Variants in CNTN5 observed in about 807,000 individuals in gnomAD.
The protein encoded by CNTN5 is contactin 5.
Under a neutral mutation model 129.1 loss-of-function variants are expected in CNTN5, and 77 were observed. That is an observed-to-expected ratio of 0.60 (90% CI 0.50 to 0.72). The LOEUF (loss-of-function observed/expected upper bound fraction) is 0.72, where lower values mean the gene tolerates loss of function less well. Among genes scored for constraint, CNTN5 ranks in the 30% least tolerant of loss-of-function variants. The pLI is 0.00. For missense variants in CNTN5, 1,478 were observed against 1,328.8 expected (o/e 1.11, Z -1.75); for synonymous variants, 509 against 465.6 (o/e 1.09, Z -1.20).
chr11:99,858,848 A>T (rs1029795941), intron 6 of CNTN5, among the ~76,000 whole-genome samples: 1 of 152,030 alleles, frequency 6.6e-6, no homozygotes, highest in Non-Finnish European at 1.5e-5. Flanking sequence ...ATTAATGACA[A>T]TGCTAATAAT....
At chr11:99,937,932 A>C (rs988504174) in intron 7 of CNTN5, among the ~76,000 whole-genome samples, 14 of 152,202 alleles carry the variant, frequency 9.2e-5, no homozygotes, top group African/African-American at 3.4e-4. Context: ...TTTGCATTTT[A>C]TACCTTTTAC....
intron 2 of CNTN5, among the ~76,000 whole-genome samples, chr11:99,462,990 C>T (rs917599541): frequency 1.3e-5 from 2 of 151,982 alleles, no homozygotes; most frequent in East Asian, 3.9e-4. Flanking sequence ...TGCCTGTAGT[C>T]CCAGCTACTT....
At chr11:99,904,609 C>T (rs1373536698) in intron 6 of CNTN5, among the ~76,000 whole-genome samples, 1 of 152,130 alleles carries the variant, frequency 6.6e-6, no homozygotes, top group Non-Finnish European at 1.5e-5. Context: ...CATACATGTA[C>T]ATGTGTCTTT....
intron 3 of CNTN5, among the ~76,000 whole-genome samples, chr11:99,609,824 TG>T (rs1950542344): frequency 1.3e-5 from 2 of 152,146 alleles, no homozygotes; most frequent in Admixed American, 6.6e-5. Flanking sequence ...AACTGTTTAC[TG>T]GGTGTAGTTC....
At chr11:99,552,207 G>GTTTTTT (rs758718492) in intron 2 of CNTN5, among the ~76,000 whole-genome samples, 5 of 146,744 alleles carry the variant, frequency 3.4e-5, no homozygotes, top group South Asian at 2.2e-4. Context: ...CACCTGGTCA[G>GTTTTTT]TTTTTGTGTT....
At chr11:99,879,125 A>T (rs549044999) in intron 6 of CNTN5, among the ~76,000 whole-genome samples, 4 of 151,956 alleles carry the variant, frequency 2.6e-5, no homozygotes, top group African/African-American at 9.6e-5. Context: ...TCTAGTAGAG[A>T]TGGGGTTTCA....
chr11:99,857,028 C>A (rs552882590), intron 6 of CNTN5, among the ~76,000 whole-genome samples: 4 of 151,092 alleles, frequency 2.6e-5, no homozygotes, highest in African/African-American at 9.7e-5. Context: ...CTATCTATCT[C>A]TATCTCCCTC....
At chr11:99,683,641 A>G (rs1326420580) in intron 3 of CNTN5, among the ~76,000 whole-genome samples, 2 of 151,822 alleles carry the variant, frequency 1.3e-5, no homozygotes, top group African/African-American at 4.8e-5. Context: ...AAAAATTGTA[A>G]AAGTTTGCCA....
chr11:99,080,484 TG>T (rs564540810), intron 1 of CNTN5, among the ~76,000 whole-genome samples: 36 of 152,302 alleles, frequency 2.4e-4, no homozygotes, highest in African/African-American at 8.4e-4. Flanking sequence ...CAAGATTTTT[TG>T]CCACAGTCCA....
At position 99,914,957 on chromosome 11, in the gene CNTN5, T is replaced by C. The variant is rs560139615; in HGVS notation, c.578-1097T>C. ...TATTTTCTTGAGTGTTCAGTTTATT[T>C]GTCAAATTAATATTAAATTTGAAGC... On this transcript the variant is annotated intron_variant, in intron 6 of 24. Transcript: ENST00000524871. 2.0e-5 allele frequency among the ~76,000 whole-genome samples: 3 copies of C among 152,218 alleles called. No individual in the cohort carries two copies. The South Asian group carries it at 6.2e-4, about 32-fold the overall frequency.
intron 13 of CNTN5, among the ~76,000 whole-genome samples, chr11:100,111,125 AC>A (rs1023401718): frequency 6.6e-6 from 1 of 152,134 alleles, no homozygotes; most frequent in African/African-American, 2.4e-5. Flanking sequence ...TTAAGGTAGA[AC>A]CTGTTCATAT....
intron 16 of CNTN5, among the ~76,000 whole-genome samples, chr11:100,229,796 G>A (rs1045071468): frequency 2.6e-5 from 4 of 152,148 alleles, no homozygotes; most frequent in African/African-American, 9.7e-5. Context: ...ACTTCTGAAT[G>A]TTTCCAAGCT....
chr11:99,898,850 C>T (rs565303041), intron 6 of CNTN5, among the ~76,000 whole-genome samples: 5 of 151,882 alleles, frequency 3.3e-5, no homozygotes, highest in African/African-American at 1.2e-4. Context: ...ATTTTATATC[C>T]TGTATTTTTC....
At chr11:99,694,573 G>C (rs1011358258) in intron 3 of CNTN5, among the ~76,000 whole-genome samples, 4 of 152,036 alleles carry the variant, frequency 2.6e-5, no homozygotes, top group African/African-American at 9.7e-5. Flanking sequence ...AGAATATGCA[G>C]GTTTGTTACT....
At chr11:99,145,433 CG>C (rs1292808415) in intron 1 of CNTN5, among the ~76,000 whole-genome samples, 1 of 151,080 alleles carries the variant, frequency 6.6e-6, no homozygotes, top group Non-Finnish European at 1.5e-5. Flanking sequence ...ACTTTGGTTT[CG>C]GTTGTGGGTG....
chr11:99,551,249 G>T (rs928694154), intron 2 of CNTN5, among the ~76,000 whole-genome samples: 1 of 152,086 alleles, frequency 6.6e-6, no homozygotes. Context: ...TATATATTCT[G>T]TATATTAAGA....
At chr11:99,171,910 G>A (rs1861167003) in intron 1 of CNTN5, among the ~76,000 whole-genome samples, 1 of 152,102 alleles carries the variant, frequency 6.6e-6, no homozygotes, top group Non-Finnish European at 1.5e-5. Flanking sequence ...ATTTCATTCA[G>A]GAGCAACGGA....
chr11:99,169,163 C>A (rs996210162), intron 1 of CNTN5, among the ~76,000 whole-genome samples: 1 of 152,170 alleles, frequency 6.6e-6, no homozygotes, highest in Non-Finnish European at 1.5e-5. Context: ...AACACAGATA[C>A]ATGTACTTTG....
At chr11:99,928,763 T>G (rs1414937681) in intron 7 of CNTN5, among the ~76,000 whole-genome samples, 2 of 152,112 alleles carry the variant, frequency 1.3e-5, no homozygotes, top group Non-Finnish European at 2.9e-5. Context: ...ATTTTCCTGA[T>G]TGTCTTGGTG....
Sources: allele counts gnomAD v4.1 joint callset (sites outside exome capture counted in the v4.1 genomes callset), GRCh38; gene constraint gnomAD v4.1.1; transcripts MANE v1.5; gene names NCBI Gene and HGNC (gene_info 2026-07-23, HGNC 2026-07-21).